The following EPAS1 variants were observed in gnomAD, a reference collection of about 807,000 sequenced individuals.
EPAS1 encodes endothelial PAS domain-containing protein 1.
A neutral mutation model predicts 87.9 loss-of-function variants in EPAS1; 23 were observed. That is an observed-to-expected ratio of 0.26 (90% CI 0.19 to 0.37). The LOEUF is 0.37. Among genes scored for constraint, EPAS1 ranks in the 10% least tolerant of loss-of-function variants. EPAS1 has a pLI of 1.00. For synonymous variants in EPAS1, 508 were observed against 444.3 expected (o/e 1.14, Z -1.80); for missense variants, 1,138 against 1,120.7 (o/e 1.02, Z -0.22).
At chr2:46,373,461 C>G (rs1684669433) in intron 7 of EPAS1, among the ~76,000 whole-genome samples, 1 of 152,176 alleles carries the variant, frequency 6.6e-6, no homozygotes, top group Non-Finnish European at 1.5e-5. Context: ...AAGGAATAAA[C>G]CACAAATGCC....
rs201987694 is a variant in EPAS1, at chr2:46,380,476, C to G, written c.1804C>G (p.Arg602Gly). Residue 602 changes from arginine to glycine, a missense_variant, in exon 12 of 16, where the codon CGG becomes GGG. This residue lies in a region of EPAS1 where 502 missense variants were observed against 427.1 expected (regional missense o/e 1.18). Coordinates refer to ENST00000263734, the MANE Select transcript of EPAS1 (RefSeq NM_001430.5). The surrounding 1 kb of genome is among the most constrained non-coding windows in gnomAD (Gnocchi z 4.4). ...GAGCAAGAAGACAGAGCCCGAGCAC[C>G]GGCCCATGTCCTCCATCTTCTTTGA... Reference protein sequence around the residue: ...LESKKTEPEHRPMSSIFFDAG... With the variant: ...LESKKTEPEHGPMSSIFFDAG... 2 of 1,614,034 alleles carry G rather than the reference C, an allele frequency of 1.2e-6. No homozygotes were observed. Among genetic ancestry groups the G allele is most frequent in the African/African-American group, 2.7e-5 (2 of 74,914 alleles).
At chr2:46,332,744 A>T (rs1212092359) in intron 1 of EPAS1, among the ~76,000 whole-genome samples, 1 of 148,766 alleles carries the variant, frequency 6.7e-6, no homozygotes, top group Admixed American at 6.9e-5. Context: ...TATCACCAGA[A>T]GGGTGGAACC....
intron 9 of EPAS1, 150 bp from the exon 10 acceptor site, chr2:46,377,744 C>G (rs1241787582): frequency 2.3e-6 from 3 of 1,285,252 alleles, no homozygotes; most frequent in African/African-American, 3.0e-5. Context: ...CCCATGTGTT[C>G]CAGCTGAGCC....
chr2:46,357,995 G>A (rs960660836), intron 4 of EPAS1, among the ~76,000 whole-genome samples: 15 of 152,180 alleles, frequency 9.9e-5, no homozygotes, highest in Non-Finnish European at 2.9e-5. Flanking sequence ...ACTGGTCTGG[G>A]GAGATTCTGT....
At chr2:46,334,939 C>T (rs937777597) in intron 1 of EPAS1, among the ~76,000 whole-genome samples, 7 of 152,216 alleles carry the variant, frequency 4.6e-5, no homozygotes, top group African/African-American at 1.7e-4. Context: ...TGGCATGAAT[C>T]AGATCCCACA....
chr2:46,335,272 C>G (rs929211477), intron 1 of EPAS1, among the ~76,000 whole-genome samples: 36 of 152,190 alleles, frequency 2.4e-4, no homozygotes, highest in African/African-American at 8.4e-4. Context: ...GATTAAAAGT[C>G]TAAACAAATG....
At chr2:46,316,035 C>A (rs554932114) in intron 1 of EPAS1, among the ~76,000 whole-genome samples, 3 of 152,172 alleles carry the variant, frequency 2.0e-5, no homozygotes, top group Non-Finnish European at 4.4e-5. Context: ...CCAGAGATAA[C>A]CACTGTTAAC....
intron 1 of EPAS1, among the ~76,000 whole-genome samples, chr2:46,306,208 T>C (rs1683106510): frequency 6.6e-6 from 1 of 152,258 alleles, no homozygotes; most frequent in African/African-American, 2.4e-5. Context: ...TGTATTAGTA[T>C]AGTATTAAAA....
At chr2:46,307,921 G>A (rs1489779688) in intron 1 of EPAS1, among the ~76,000 whole-genome samples, 1 of 152,178 alleles carries the variant, frequency 6.6e-6, no homozygotes, top group Non-Finnish European at 1.5e-5. Context: ...GATCTCCAAA[G>A]ATTAGCTAGA....
chr2:46,340,388 C>G (rs1359277490), intron 1 of EPAS1, among the ~76,000 whole-genome samples: 3 of 152,188 alleles, frequency 2.0e-5, no homozygotes, highest in Non-Finnish European at 4.4e-5. Flanking sequence ...GGCTCAGCCC[C>G]AGCGGAGCGG....
chr2:46,369,136 A>C (rs753633292), intron 6 of EPAS1, among the ~76,000 whole-genome samples: 19 of 152,148 alleles, frequency 1.2e-4, no homozygotes, highest in Admixed American at 2.0e-4. Context: ...CTATGATTTA[A>C]TATTTCTTCC....
chr2:46,382,767 G>C (rs757531196), intron 15 of EPAS1, among the ~76,000 whole-genome samples, 169 bp downstream of exon 15: 1 of 152,228 alleles, frequency 6.6e-6, no homozygotes, highest in Non-Finnish European at 1.5e-5. Flanking sequence ...CTCCTCACAA[G>C]TTCCTTGTGA....
chr2:46,303,315 G>C (rs941625531), intron 1 of EPAS1, among the ~76,000 whole-genome samples: 6 of 152,204 alleles, frequency 3.9e-5, no homozygotes, highest in African/African-American at 1.2e-4. Context: ...CCAGCTTAAA[G>C]ACTGGCTCAG....
chr2:46,297,849 C>A lies in EPAS1; in HGVS notation c.-63C>A, dbSNP rs1362359999. 1.9e-6 allele frequency: 3 copies of A among 1,571,232 alleles called. No individual in the cohort carries two copies. Among genetic ancestry groups the A allele is most frequent in the Non-Finnish European group, 1.7e-6 (2 of 1,157,878 alleles). On this transcript the variant is annotated 5_prime_UTR_variant, in exon 1 of 16. Coordinates refer to ENST00000263734, the MANE Select transcript of EPAS1 (RefSeq NM_001430.5). ...CGCGGGGAGCGGACGAGGGCCACAG[C>A]CCCCCACCCGCCAGGGAGCCCAGGT... is the stretch of plus-strand genomic sequence containing the variant.
At chr2:46,299,644 A>G (rs183542080) in intron 1 of EPAS1, among the ~76,000 whole-genome samples, 5 of 152,344 alleles carry the variant, frequency 3.3e-5, no homozygotes, top group East Asian at 1.9e-4. Flanking sequence ...GAATGTGGCA[A>G]TCGCCGAGGT....
At position 46,371,446 on chromosome 2, in the gene EPAS1, C is replaced by T. The variant is rs1684625387; in HGVS notation, c.886+1513C>T. Among the ~76,000 whole-genome samples the T allele has an allele frequency of 6.6e-6, 1 of 152,164 alleles. No individual in the cohort carries two copies. The highest frequency in any genetic ancestry group is 1.5e-5 in the Non-Finnish European group (1 of 68,034). On this transcript the variant is annotated intron_variant, in intron 7 of 15. Transcript: ENST00000263734. This position sits in a 1 kb window ranked among gnomAD's most constrained non-coding sequence, Gnocchi z 4.3. ...ATTATGATATCTCAGAGAAGTTTCT[C>T]ACTGTGCTCTCTGGCAAAACACACA...
intron 1 of EPAS1, among the ~76,000 whole-genome samples, chr2:46,336,842 G>C (rs1683802576): frequency 6.6e-6 from 1 of 152,218 alleles, no homozygotes; most frequent in African/African-American, 2.4e-5. Context: ...CAAGATCCCT[G>C]GGTGATTCCT....
chr2:46,349,805 T>G (rs888018603), intron 2 of EPAS1, among the ~76,000 whole-genome samples: 2 of 152,248 alleles, frequency 1.3e-5, no homozygotes, highest in African/African-American at 4.8e-5. Flanking sequence ...AAGATCTTTT[T>G]CTTTCTAAAT....
chr2:46,314,480 G>A (rs1210741545), intron 1 of EPAS1, among the ~76,000 whole-genome samples: 2 of 152,192 alleles, frequency 1.3e-5, no homozygotes, highest in African/African-American at 4.8e-5. Context: ...TTTCTGTTCA[G>A]GAAAACGTCC....
Sources: allele counts gnomAD v4.1 joint callset (sites outside exome capture counted in the v4.1 genomes callset), GRCh38; gene constraint gnomAD v4.1.1; regional missense constraint gnomAD v4.1.1; non-coding constraint Gnocchi (gnomAD v3.1); transcripts MANE v1.5; gene names NCBI Gene and HGNC (gene_info 2026-07-23, HGNC 2026-07-21).